Variants in NUP155 observed in about 807,000 individuals in gnomAD.
NUP155 encodes nucleoporin 155, also known as nuclear pore complex protein Nup155.
NUP155 carries 71 observed loss-of-function variants against 180.4 expected under a neutral mutation model. That is an observed-to-expected ratio of 0.39 (90% CI 0.33 to 0.48). NUP155 has a LOEUF of 0.48. Ranked by LOEUF, NUP155 falls within the 20% of genes least tolerant of loss-of-function variation. The pLI, the probability that NUP155 is intolerant of heterozygous loss-of-function variation, is 0.91. For synonymous variants in NUP155, 582 were observed against 559.5 expected, an observed-to-expected ratio of 1.04 and a Z score of -0.57; for missense variants, 1,553 against 1,648.9, an observed-to-expected ratio of 0.94 and a Z score of 1.01.
intron 1 of NUP155, among the ~76,000 whole-genome samples, chr5:37,366,694 C>T (rs950795104): frequency 1.7e-4 from 25 of 147,836 alleles, no homozygotes; most frequent in South Asian, 1.3e-3. Context: ...CGGAGTCTCA[C>T]AGGCTGGAGT....
At chr5:37,367,362 G>A (rs1747661468) in intron 1 of NUP155, among the ~76,000 whole-genome samples, 1 of 151,568 alleles carries the variant, frequency 6.6e-6, no homozygotes, top group Admixed American at 6.6e-5. Context: ...CTACAGGAGT[G>A]TGCCACCACA....
At chr5:37,320,623 A>T (rs577969038) in intron 20 of NUP155, among the ~76,000 whole-genome samples, 2 of 152,252 alleles carry the variant, frequency 1.3e-5, no homozygotes, top group Non-Finnish European at 2.9e-5. Flanking sequence ...AAGAAACATC[A>T]ATGAAAAAAA....
chr5:37,303,472 G>C, intron 27 of NUP155, 58 bp from the exon 28 acceptor site: 1 of 1,399,432 alleles, frequency 7.1e-7, no homozygotes, highest in Non-Finnish European at 1.0e-6. Flanking sequence ...TAATGTTCCT[G>C]ATAAGGAAAA....
rs59874319 is a variant in NUP155 at position 37,296,688 on chromosome 5, AAAAT to A, written c.3793+2176_3793+2179del. Among the ~76,000 whole-genome samples, 59 of 150,712 alleles carry A rather than the reference AAAAT, an allele frequency of 3.9e-4. 1 individual carries two copies. Among genetic ancestry groups the A allele is most frequent in the Middle Eastern group, 3.4e-3 (1 of 294 alleles). ...GAGAAACACCCAAGAATGATCAATAAAAATAAATAAATAAATAAATAAATAAATA... is the reference window on the plus strand; with the variant it reads ...GAGAAACACCCAAGAATGATCAATAAAAATAAATAAATAAATAAATAAATA... On this transcript the variant is annotated intron_variant, in intron 32 of 34. Coordinates refer to ENST00000231498, the MANE Select transcript of NUP155 (RefSeq NM_153485.3).
chr5:37,341,465 G>A (rs1745717733), intron 10 of NUP155, among the ~76,000 whole-genome samples: 1 of 152,100 alleles, frequency 6.6e-6, no homozygotes, highest in African/African-American at 2.4e-5. Flanking sequence ...GGGTTCAAGC[G>A]ATTCTCCTGC....
chr5:37,354,249 T>A (rs1366206678), intron 4 of NUP155, among the ~76,000 whole-genome samples: 2 of 148,026 alleles, frequency 1.4e-5, no homozygotes, highest in East Asian at 2.1e-4. Flanking sequence ...CGGGTTCAAG[T>A]GATCCTCCTG....
intron 7 of NUP155, among the ~76,000 whole-genome samples, chr5:37,349,515 T>C (rs928575085): frequency 6.6e-6 from 1 of 152,186 alleles, no homozygotes; most frequent in African/African-American, 2.4e-5. Flanking sequence ...CTAAATGAAT[T>C]TTAAGCCAAA....
chr5:37,338,051 T>C, intron 11 of NUP155, 133 bp from the exon 12 acceptor site: 1 of 611,502 alleles, frequency 1.6e-6, no homozygotes, highest in East Asian at 2.9e-5. Context: ...CTGGGCACGG[T>C]GGCTCATGCC....
intron 12 of NUP155, among the ~76,000 whole-genome samples, chr5:37,334,863 A>G (rs1745215830): frequency 6.6e-6 from 1 of 152,192 alleles, no homozygotes; most frequent in African/African-American, 2.4e-5. Context: ...TCTTTCCTTT[A>G]AAAAGTATTT....
chr5:37,365,711 G>GAAAA (rs1747518236), intron 1 of NUP155, among the ~76,000 whole-genome samples: 2 of 34,004 alleles, frequency 5.9e-5, no homozygotes, highest in Non-Finnish European at 9.5e-5. Context: ...CTGTCTCGGG[G>GAAAA]AGAAAAAAAA....
Position 37,318,105 on chromosome 5 carries a change from ATG to A in NUP155, c.2208-22_2208-21del, listed in dbSNP as rs746166637. The A allele has an allele frequency of 7.4e-7, 1 of 1,347,014 alleles. No individual in the cohort carries two copies. Among genetic ancestry groups the A allele is most frequent in the African/African-American group, 1.4e-5 (1 of 69,968 alleles). The allele number at this position is 1,347,014 out of a possible 1,614,324, so 83.4% of individuals were successfully genotyped here. A position where few individuals can be genotyped will look rare whatever the true frequency, so the allele number is the denominator to read the frequency against. Reference sequence around the variant, plus strand: ...GTAGTACTGAAACAGAAATTGCAGAATGTGTGTGTTTATAACAGCTTTATTGA... The same window carrying A: ...GTAGTACTGAAACAGAAATTGCAGAATGTGTGTTTATAACAGCTTTATTGA... On this transcript the variant is annotated intron_variant, in intron 20 of 34. Transcript: ENST00000231498.
intron 4 of NUP155, among the ~76,000 whole-genome samples, chr5:37,355,675 T>C (rs1334135152): frequency 6.6e-6 from 1 of 151,602 alleles, no homozygotes. Flanking sequence ...ACCTCCCAGG[T>C]TCACACAATT....
Position 37,331,106 on chromosome 5 carries a change from G to A in NUP155, c.1629+579C>T, listed in dbSNP as rs149118934. Among the ~76,000 whole-genome samples the A allele has an allele frequency of 5.7e-3, 864 of 151,034 alleles. 9 individuals are homozygous for A. Among genetic ancestry groups the A allele is most frequent in the African/African-American group, 0.02 (819 of 41,010 alleles). On this transcript the variant is annotated intron_variant, in intron 14 of 34. Transcript: ENST00000231498. ...GGAGCTTAGAGTGAGCCGAGATCAC[G>A]CCACTGCACTCTAGCCTGGGCGACA...
At chr5:37,337,351 C>G (rs1187144935) in intron 12 of NUP155, among the ~76,000 whole-genome samples, 1 of 151,752 alleles carries the variant, frequency 6.6e-6, no homozygotes, top group Non-Finnish European at 1.5e-5. Context: ...ATTGACTCTT[C>G]AAACTTTATG....
chr5:37,352,395 G>A (rs150242540), intron 5 of NUP155, among the ~76,000 whole-genome samples: 243 of 152,034 alleles, frequency 1.6e-3, no homozygotes, highest in Non-Finnish European at 2.9e-3. Flanking sequence ...AAAATTAGCC[G>A]GGTATGGTGG....
chr5:37,308,257 A>C (rs1323308467), intron 24 of NUP155, among the ~76,000 whole-genome samples: 1 of 152,170 alleles, frequency 6.6e-6, no homozygotes, highest in South Asian at 2.1e-4. Flanking sequence ...TAATGCTAAA[A>C]AGTTATACAT....
At chr5:37,351,687 G>C (rs1746469245) in intron 5 of NUP155, among the ~76,000 whole-genome samples, 1 of 151,706 alleles carries the variant, frequency 6.6e-6, no homozygotes, top group Admixed American at 6.6e-5. Flanking sequence ...CTGATCTCGT[G>C]ATCCGCCTGC....
intron 21 of NUP155, among the ~76,000 whole-genome samples, chr5:37,314,738 G>A (rs894692058): frequency 1.3e-5 from 2 of 152,170 alleles, no homozygotes; most frequent in Admixed American, 6.5e-5. Context: ...TACTTGGGAG[G>A]CTGAGGCAGG....
At position 37,341,144 on chromosome 5, in the gene NUP155, CT is replaced by C. The variant is rs1412211656; in HGVS notation, c.1191del (p.Ala398HisfsTer22). ...LVHVRLPPGF[S>X]ASSTVEKPSK... ...GAAGGCTTTTCCACGGTTGAAGATG[CT>C]GAGAATCCAGGAGGTAAGCGGACAT... is the stretch of plus-strand genomic sequence containing the variant. On this transcript the variant is annotated frameshift_variant, in exon 11 of 35. Transcript: ENST00000231498. LOFTEE classifies it high-confidence loss of function. The C allele has an allele frequency of 6.2e-7, 1 of 1,613,962 alleles. No homozygotes were observed. The highest frequency in any genetic ancestry group is 1.7e-5 in the Admixed American group (1 of 60,006).
Sources: allele counts gnomAD v4.1 joint callset (sites outside exome capture counted in the v4.1 genomes callset), GRCh38; gene constraint gnomAD v4.1.1; transcripts MANE v1.5; gene names NCBI Gene and HGNC (gene_info 2026-07-23, HGNC 2026-07-21).